Variants in DIAPH2 observed in about 807,000 individuals in gnomAD.
DIAPH2 encodes diaphanous related formin 2.
In DIAPH2, 35 loss-of-function variants were observed where a neutral mutation model predicts 92.7. The observed-to-expected ratio is 0.38, with a 90% CI of 0.29 to 0.50. DIAPH2 has a LOEUF of 0.50. Ranked by LOEUF, DIAPH2 falls within the 20% of genes least tolerant of loss-of-function variation. The probability of loss-of-function intolerance (pLI) is 0.94; values close to 1 mark genes in which losing one functional copy is unlikely to be tolerated. For missense variants in DIAPH2, 701 were observed against 819.5 expected (o/e 0.86, Z 1.77); for synonymous variants, 301 against 280.4 (o/e 1.07, Z -0.73).
intron 25 of DIAPH2, among the ~76,000 whole-genome samples, chrX:97,411,227 G>C (rs1018506359): frequency 8.9e-6 from 1 of 112,247 alleles, no homozygotes; most frequent in African/African-American, 3.2e-5. Flanking sequence ...CTACAAGCCA[G>C]AAGAGAGTGG....
In DIAPH2 at chrX:96,911,081, A is replaced by G. The variant is rs181420837; in HGVS notation, c.588-1247A>G. ...ATAATTTGTCTGATTTTATTGGCAC[A>G]TGTGTCTTAAGGCCTGAGGCTGGAA... On this transcript the variant is annotated intron_variant, in intron 5 of 26. Transcript: ENST00000324765. 3.3e-3 allele frequency among the ~76,000 whole-genome samples: 372 copies of G among 111,766 alleles called. 2 individuals carry two copies. Among genetic ancestry groups the G allele is most frequent in the African/African-American group, 0.012 (359 of 30,804 alleles).
intron 5 of DIAPH2, among the ~76,000 whole-genome samples, chrX:96,894,974 ATTTTTTTTTTT>A (rs766131166): frequency 1.5e-3 from 89 of 59,543 alleles, no homozygotes; most frequent in African/African-American, 4.7e-3. Context: ...GTTTTTCTTA[ATTTTTTTTTTT>A]TTTTTTTTTT....
intron 4 of DIAPH2, among the ~76,000 whole-genome samples, chrX:96,844,528 T>C (rs1164888012): frequency 1.8e-5 from 2 of 112,261 alleles, no homozygotes; most frequent in African/African-American, 6.5e-5. Flanking sequence ...TTAATTCAGC[T>C]TCAGCCAAAA....
At chrX:97,125,200 C>T (rs917697319) in intron 21 of DIAPH2, among the ~76,000 whole-genome samples, 2 of 111,126 alleles carry the variant, frequency 1.8e-5, no homozygotes, top group Admixed American at 9.6e-5. Context: ...ACTGGCCGGG[C>T]GCGGTGGCTC....
chrX:96,688,282 A>G (rs760685351), intron 1 of DIAPH2, among the ~76,000 whole-genome samples: 2 of 112,847 alleles, frequency 1.8e-5, no homozygotes, highest in African/African-American at 6.4e-5. Flanking sequence ...TTTTCTGGTT[A>G]TTATGTAACT....
chrX:97,411,570 A>T (rs1880023486), intron 25 of DIAPH2, among the ~76,000 whole-genome samples: 1 of 112,003 alleles, frequency 8.9e-6, no homozygotes, highest in Non-Finnish European at 1.9e-5. Flanking sequence ...CTTAAATGCA[A>T]ATAGGCTAAA....
intron 4 of DIAPH2, among the ~76,000 whole-genome samples, chrX:96,801,230 A>G (rs1296150075): frequency 8.9e-6 from 1 of 112,393 alleles, no homozygotes; most frequent in African/African-American, 3.2e-5. Context: ...AGACCAGACA[A>G]AAGAACTTTG....
chrX:97,243,259 A>G (rs2068112822), intron 22 of DIAPH2, among the ~76,000 whole-genome samples: 1 of 94,221 alleles, frequency 1.1e-5, no homozygotes, highest in Non-Finnish European at 2.1e-5. Flanking sequence ...TTGTAAAGCT[A>G]TGACAAGTTC....
rs2068995761 is a variant in DIAPH2, at chrX:97,330,844, A to G, written c.2845-17272A>G. Among the ~76,000 whole-genome samples, 3 of 110,489 alleles carry G rather than the reference A, an allele frequency of 2.7e-5. No individual in the cohort carries two copies. The South Asian group carries it at 1.2e-3, about 42-fold the overall frequency. On this transcript the variant is annotated intron_variant, in intron 23 of 26. Transcript: ENST00000324765. ...TGTCTTTGTTTTTAAAGACTGAATA[A>G]TATTCCATTATATGTATAAACCACA...
intron 22 of DIAPH2, among the ~76,000 whole-genome samples, chrX:97,175,915 T>G (rs138327902): frequency 0.019 from 2,155 of 112,418 alleles, 48 homozygotes; most frequent in African/African-American, 0.065. Context: ...ACAACATATC[T>G]TCTTTGGTGT....
At chrX:97,469,566 G>A in intron 26 of DIAPH2, 1 of 537,861 alleles carries the variant, frequency 1.9e-6, no homozygotes, top group Non-Finnish European at 2.9e-6. Context: ...AGTTACAGTA[G>A]CACAATCCTA....
At chrX:97,520,852 A>T (rs1257585398) in intron 26 of DIAPH2, among the ~76,000 whole-genome samples, 1 of 112,300 alleles carries the variant, frequency 8.9e-6, no homozygotes, top group Non-Finnish European at 1.9e-5. Flanking sequence ...TGTCTTTGGT[A>T]ATAGTTTTAG....
intron 22 of DIAPH2, 29 bp downstream of exon 22, chrX:97,141,823 A>G (rs372451400): frequency 8.5e-7 from 1 of 1,175,254 alleles, no homozygotes; most frequent in Non-Finnish European, 1.1e-6. Flanking sequence ...CTTTGAGATT[A>G]TCTCTTGCCT....
At chrX:97,048,200 C>T (rs1044999507) in intron 17 of DIAPH2, among the ~76,000 whole-genome samples, 8 of 111,058 alleles carry the variant, frequency 7.2e-5, no homozygotes, top group African/African-American at 2.0e-4. Context: ...TTTCCCTCTT[C>T]CTTAACCCTC....
intron 22 of DIAPH2, among the ~76,000 whole-genome samples, chrX:97,187,180 CA>C (rs1404147037): frequency 9.6e-6 from 1 of 103,771 alleles, no homozygotes; most frequent in Non-Finnish European, 2.0e-5. Flanking sequence ...TTTGTAATAA[CA>C]GGGAATATGG....
At chrX:96,947,585 C>T (rs185772648) in intron 14 of DIAPH2, among the ~76,000 whole-genome samples, 2 of 111,038 alleles carry the variant, frequency 1.8e-5, no homozygotes, top group East Asian at 2.8e-4. Context: ...ATTTCAGGTT[C>T]GACCCAAACA....
At chrX:97,463,298 G>A (rs1173078203) in intron 26 of DIAPH2, among the ~76,000 whole-genome samples, 1 of 101,578 alleles carries the variant, frequency 9.8e-6, no homozygotes, top group Non-Finnish European at 2.0e-5. Context: ...TTTGCACCAG[G>A]CCCCAAGTCT....
chrX:96,884,728 CT>C, intron 5 of DIAPH2: 1 of 1,210,481 alleles, frequency 8.3e-7, no homozygotes, highest in Non-Finnish European at 1.1e-6. Flanking sequence ...AACAAAGAGC[CT>C]TGAGGTATTG....
At chrX:96,764,050 T>A (rs985448447) in intron 4 of DIAPH2, among the ~76,000 whole-genome samples, 1 of 110,814 alleles carries the variant, frequency 9.0e-6, no homozygotes, top group Admixed American at 9.7e-5. Context: ...AATCGAATAT[T>A]TATTTAGTGC....
Sources: allele counts gnomAD v4.1 joint callset (sites outside exome capture counted in the v4.1 genomes callset), GRCh38; gene constraint gnomAD v4.1.1; transcripts MANE v1.5; gene names NCBI Gene and HGNC (gene_info 2026-07-23, HGNC 2026-07-21).